Variants in SLC9C1 observed in about 807,000 individuals in gnomAD.
The protein encoded by SLC9C1 is solute carrier family 9 member C1, also known as sodium/hydrogen exchanger 10.
In SLC9C1, 97 loss-of-function variants were observed where a neutral mutation model predicts 140.9. That is an observed-to-expected ratio of 0.69 (90% CI 0.58 to 0.82). SLC9C1 has a LOEUF of 0.82. Among genes scored for constraint, SLC9C1 ranks in the 40% least tolerant of loss-of-function variants. SLC9C1 has a pLI of 0.00. For synonymous variants in SLC9C1, 440 were observed against 442.6 expected, an observed-to-expected ratio of 0.99 and a Z score of 0.07; for missense variants, 1,340 against 1,389.3, an observed-to-expected ratio of 0.96 and a Z score of 0.56.
chr3:112,234,638 T>G (rs1015807997), intron 12 of SLC9C1, among the ~76,000 whole-genome samples: 3 of 152,242 alleles, frequency 2.0e-5, no homozygotes, highest in Non-Finnish European at 4.4e-5. Flanking sequence ...TTAATCCATC[T>G]TGAATTAATT....
chr3:112,165,062 A>G (rs1157222232), intron 26 of SLC9C1, among the ~76,000 whole-genome samples: 2 of 152,176 alleles, frequency 1.3e-5, no homozygotes, highest in Non-Finnish European at 2.9e-5. Flanking sequence ...AGTTGATCAA[A>G]TCGGCTACTG....
intron 20 of SLC9C1, among the ~76,000 whole-genome samples, chr3:112,183,489 A>G (rs971845214): frequency 2.0e-5 from 3 of 149,904 alleles, no homozygotes; most frequent in African/African-American, 7.4e-5. Context: ...TACAAGACCA[A>G]TAAGTTAATG....
chr3:112,168,281 A>G (rs1295469277), intron 25 of SLC9C1, among the ~76,000 whole-genome samples: 1 of 150,616 alleles, frequency 6.6e-6, no homozygotes, highest in Non-Finnish European at 1.5e-5. Context: ...CCTGATTCCT[A>G]TTGACATGTG....
intron 9 of SLC9C1, 104 bp from the exon 10 acceptor site, chr3:112,263,202 A>C: frequency 5.0e-5 from 48 of 963,230 alleles, no homozygotes; most frequent in Middle Eastern, 2.3e-4. Flanking sequence ...CCTAACTCTC[A>C]AACAAATGAG....
chr3:112,216,898 A>T (rs1342744184), intron 15 of SLC9C1, among the ~76,000 whole-genome samples: 1 of 152,166 alleles, frequency 6.6e-6, no homozygotes, highest in Non-Finnish European at 1.5e-5. Flanking sequence ...ATAAAGACAC[A>T]TGCACACATA....
At chr3:112,233,095 G>T (rs1204401207) in intron 12 of SLC9C1, among the ~76,000 whole-genome samples, 6 of 135,694 alleles carry the variant, frequency 4.4e-5, no homozygotes, top group South Asian at 2.3e-4. Flanking sequence ...TTAAGAAAGG[G>T]TATCTCTTTG....
intron 13 of SLC9C1, among the ~76,000 whole-genome samples, chr3:112,222,654 T>A (rs1001204722): frequency 2.6e-5 from 4 of 152,118 alleles, no homozygotes; most frequent in Non-Finnish European, 5.9e-5. Context: ...ATCATATTAG[T>A]AACAAAAACA....
intron 20 of SLC9C1, among the ~76,000 whole-genome samples, chr3:112,182,484 A>G (rs1178350065): frequency 6.6e-6 from 1 of 152,148 alleles, no homozygotes; most frequent in Non-Finnish European, 1.5e-5. Context: ...CAGATTTGTT[A>G]CATGGGTAAG....
At chr3:112,149,953 G>A (rs1443767723) in intron 28 of SLC9C1, among the ~76,000 whole-genome samples, 1 of 152,150 alleles carries the variant, frequency 6.6e-6, no homozygotes, top group Non-Finnish European at 1.5e-5. Flanking sequence ...GCAGGGTAAG[G>A]CACTCAGCAA....
At chr3:112,192,786 G>C (rs147312131) in intron 20 of SLC9C1, among the ~76,000 whole-genome samples, 1 of 151,934 alleles carries the variant, frequency 6.6e-6, no homozygotes, top group Non-Finnish European at 1.5e-5. Context: ...GTATTCTCTT[G>C]TATCCTACTG....
At chr3:112,291,473 A>G (rs1314634489) in intron 1 of SLC9C1, among the ~76,000 whole-genome samples, 1 of 152,178 alleles carries the variant, frequency 6.6e-6, no homozygotes, top group Non-Finnish European at 1.5e-5. Flanking sequence ...AGACACTTCT[A>G]AAAAGAAGAC....
intron 2 of SLC9C1, among the ~76,000 whole-genome samples, chr3:112,282,681 A>G (rs2080391905): frequency 6.6e-6 from 1 of 151,810 alleles, no homozygotes; most frequent in Admixed American, 6.6e-5. Context: ...AAAAAACTGC[A>G]TTGATGTGGT....
chr3:112,180,782 C>T, intron 21 of SLC9C1, 120 bp from the exon 22 acceptor site: 1 of 777,360 alleles, frequency 1.3e-6, no homozygotes, highest in Non-Finnish European at 2.1e-6. Flanking sequence ...GTCACCCATA[C>T]TGGAGTGCAG....
chr3:112,213,378 G>A (rs4376007), intron 15 of SLC9C1, among the ~76,000 whole-genome samples: 114,759 of 151,944 alleles, frequency 0.76, 43,734 homozygotes, highest in East Asian at 0.99. Flanking sequence ...AATATAAATG[G>A]GCTAAATGCT....
At chr3:112,212,939 T>C (rs982001535) in intron 15 of SLC9C1, among the ~76,000 whole-genome samples, 2 of 152,070 alleles carry the variant, frequency 1.3e-5, no homozygotes, top group African/African-American at 4.8e-5. Flanking sequence ...GGAAAAAATG[T>C]AAAAGGCAAC....
At position 112,275,006 on chromosome 3, in the gene SLC9C1, G is replaced by C. The variant is rs145349422; in HGVS notation, c.504C>G (p.Ile168Met). 6.4e-6 allele frequency: 10 copies of C among 1,573,286 alleles called. No individual in the cohort carries two copies. The highest frequency in any genetic ancestry group is 8.6e-6 in the Non-Finnish European group (10 of 1,167,866). Residue 168 changes from isoleucine (I) to methionine (M), a missense_variant, in exon 6 of 29, where the codon ATC becomes ATG. Ile to Met is a conservative substitution (Grantham distance 10, BLOSUM62 1). Coordinates refer to ENST00000305815, the MANE Select transcript of SLC9C1 (RefSeq NM_183061.3). ...TCAGACTTTCTCCATTAATTAAACT[G>C]ATGAGGCTTCTAGAAAGCCCTACAT... is the stretch of plus-strand genomic sequence containing the variant. ...IRDLGLSRSL[I>M]SLINGESLMT...
At chr3:112,199,655 A>G (rs2077856455) in intron 19 of SLC9C1, among the ~76,000 whole-genome samples, 186 bp from the exon 20 acceptor site, 1 of 151,948 alleles carries the variant, frequency 6.6e-6, no homozygotes, top group African/African-American at 2.4e-5. Flanking sequence ...GTTCTGCTGG[A>G]TGTTTTCTTG....
intron 2 of SLC9C1, among the ~76,000 whole-genome samples, chr3:112,281,985 ACTAAT>A (rs1159370903): frequency 6.6e-6 from 1 of 152,242 alleles, no homozygotes; most frequent in African/African-American, 2.4e-5. Context: ...TGAGAAAAAA[ACTAAT>A]CTAGTTCATG....
chr3:112,158,121 C>CT (rs1342654464), intron 26 of SLC9C1, among the ~76,000 whole-genome samples: 1 of 151,806 alleles, frequency 6.6e-6, no homozygotes, highest in Non-Finnish European at 1.5e-5. Flanking sequence ...TTTTAAAATT[C>CT]TTTCCTCTTT....
Sources: allele counts gnomAD v4.1 joint callset (sites outside exome capture counted in the v4.1 genomes callset), GRCh38; gene constraint gnomAD v4.1.1; transcripts MANE v1.5; gene names NCBI Gene and HGNC (gene_info 2026-07-23, HGNC 2026-07-21).